Variants in LRRK1 observed in about 807,000 individuals in gnomAD.
LRRK1 encodes leucine rich repeat kinase 1.
A neutral mutation model predicts 209.1 loss-of-function variants in LRRK1; 113 were observed. The ratio of observed to expected loss-of-function variants is 0.54; its 90% CI spans 0.46 to 0.63. LRRK1 has a LOEUF of 0.63. LRRK1 is among the 30% of genes least tolerant of loss of function. The pLI is 0.00. For missense variants in LRRK1, 2,284 were observed against 2,632.2 expected, an observed-to-expected ratio of 0.87 and a Z score of 2.89; for synonymous variants, 1,144 against 1,099.7, an observed-to-expected ratio of 1.04 and a Z score of -0.80.
intron 2 of LRRK1, among the ~76,000 whole-genome samples, chr15:100,953,508 CTATATA>C (rs60971994): frequency 0.036 from 5,213 of 146,466 alleles, 157 homozygotes; most frequent in African/African-American, 0.089. Context: ...ATGTGTGTGT[CTATATA>C]TATATATATA....
chr15:101,046,229 C>A, intron 21 of LRRK1, 77 bp downstream of exon 21: 2 of 1,475,044 alleles, frequency 1.4e-6, no homozygotes, highest in Non-Finnish European at 1.9e-6. Context: ...AGGGGAATGC[C>A]CTTTGCTGGG....
Position 101,072,073 on chromosome 15 carries a change from G to A in LRRK1, c.*3225G>A, listed in dbSNP as rs1332969514. 2 of 152,218 alleles carry A rather than the reference G, an allele frequency of 1.3e-5. No homozygotes were observed. The highest frequency in any genetic ancestry group is 1.3e-4 in the Admixed American group (2 of 15,282). 9.4% of individuals were successfully genotyped at this position (152,218 alleles called of 1,614,324 possible). A position where few individuals can be genotyped will look rare whatever the true frequency, so the allele number is the denominator to read the frequency against. ...CGGAAGCTCCTGGCAGTTTTAAGCA[G>A]GATTATTAGATGATTCAGTCAACTT... is the stretch of plus-strand genomic sequence containing the variant. On this transcript the variant is annotated 3_prime_UTR_variant, in exon 34 of 34. Transcript: ENST00000388948.
At chr15:100,925,028 A>G (rs2042086118) in intron 2 of LRRK1, among the ~76,000 whole-genome samples, 2 of 152,316 alleles carry the variant, frequency 1.3e-5, no homozygotes, top group Admixed American at 1.3e-4. Flanking sequence ...AAAATAATAC[A>G]TGTTTATTAA....
At chr15:101,041,205 C>T (rs890895685) in intron 20 of LRRK1, among the ~76,000 whole-genome samples, 4 of 152,140 alleles carry the variant, frequency 2.6e-5, no homozygotes, top group African/African-American at 2.4e-5. Flanking sequence ...GTTAAAATAG[C>T]CACACCAGCT....
intron 13 of LRRK1, 72 bp from the exon 14 acceptor site, chr15:101,021,765 CACGTGTGT>C: frequency 1.0e-6 from 1 of 957,186 alleles, no homozygotes; most frequent in Non-Finnish European, 1.6e-6. Context: ...TGACAGGAGC[CACGTGTGT>C]GCGTGTGTGT....
At chr15:101,050,538 G>A (rs1273050523) in intron 23 of LRRK1, among the ~76,000 whole-genome samples, 2 of 152,116 alleles carry the variant, frequency 1.3e-5, no homozygotes, top group African/African-American at 4.8e-5. Flanking sequence ...GCCCCTGAAC[G>A]CTGGAGGCCA....
chr15:100,958,771 G>A (rs12909320), intron 2 of LRRK1, among the ~76,000 whole-genome samples: 26,087 of 152,072 alleles, frequency 0.17, 2,404 homozygotes, highest in African/African-American at 0.24. Context: ...GCCACCATCC[G>A]AAGTGGAGAG....
chr15:101,039,556 C>G (rs973070545), intron 20 of LRRK1, among the ~76,000 whole-genome samples: 2 of 152,052 alleles, frequency 1.3e-5, no homozygotes, highest in African/African-American at 4.8e-5. Context: ...TTTTTTCATT[C>G]TAATCTTCAC....
chr15:101,066,236 G>A lies in LRRK1; in HGVS notation c.5768+31G>A, dbSNP rs754342779. The stretch of plus-strand genomic sequence containing the variant: ...TTTCCCGAGGTGAGGGCACCATCCA[G>A]GGCACGCCCACTGCTCCTGCTCTGG... On this transcript the variant is annotated intron_variant, in intron 32 of 33. Transcript: ENST00000388948. 4.5e-6 allele frequency: 7 copies of A among 1,572,356 alleles called. No homozygotes were observed. The African/African-American group carries it at 9.4e-5, about 21-fold the overall frequency.
At chr15:100,927,793 A>G (rs952443047) in intron 2 of LRRK1, among the ~76,000 whole-genome samples, 3 of 152,230 alleles carry the variant, frequency 2.0e-5, no homozygotes, top group Admixed American at 6.5e-5. Context: ...TCAGAGTTTT[A>G]AGGTCCCACA....
At position 100,986,035 on chromosome 15, in the gene LRRK1, C is replaced by CA. The variant is rs36053618; in HGVS notation, c.433+2351dup. 5.3e-3 allele frequency among the ~76,000 whole-genome samples: 685 copies of CA among 128,262 alleles called. 3 individuals carry two copies. Among genetic ancestry groups the CA allele is most frequent in the African/African-American group, 9.3e-3 (336 of 36,214 alleles). 84.1% of individuals were successfully genotyped at this position (128,262 alleles called of 152,430 possible). A position where few individuals can be genotyped will look rare whatever the true frequency, so the allele number is the denominator to read the frequency against. The stretch of plus-strand genomic sequence containing the variant: ...GTAACATAGTGAGACCCTGTATCTA[C>CA]AAAAAAAAAAAAAAATTTAAATTAA... On this transcript the variant is annotated intron_variant, in intron 4 of 33. Transcript: ENST00000388948.
chr15:101,004,704 G>C (rs533471212), intron 6 of LRRK1, among the ~76,000 whole-genome samples: 1 of 152,308 alleles, frequency 6.6e-6, no homozygotes. Flanking sequence ...CAGAGTCCAC[G>C]TGGAGTTAGT....
intron 29 of LRRK1, 62 bp downstream of exon 29, chr15:101,058,203 T>C (rs2035926525): frequency 6.5e-7 from 1 of 1,545,532 alleles, no homozygotes; most frequent in Non-Finnish European, 8.9e-7. Flanking sequence ...CCGTGGAATC[T>C]GGGAACACAG....
chr15:101,055,114 C>T lies in LRRK1; in HGVS notation c.4223C>T (p.Ser1408Phe). The change falls in exon 27 of 34, where the codon TCT (serine) becomes TTT (phenylalanine). Residue 1408 changes from serine (S) to phenylalanine (F), a missense_variant. Physicochemically the swap from Ser to Phe is radical, Grantham distance 155. Coordinates refer to ENST00000388948, the MANE Select transcript of LRRK1 (RefSeq NM_024652.6). ...AAGGAGCACATCAACATCAAGCTAT[C>T]TGACTACGGGATTTCGAGGCAGTCA... is the stretch of plus-strand genomic sequence containing the variant. ...DVKEHINIKL[S>F]DYGISRQSFH... 1 of 1,614,062 alleles carries T rather than the reference C, an allele frequency of 6.2e-7. No homozygotes were observed. The highest frequency in any genetic ancestry group is 2.2e-5 in the East Asian group (1 of 44,866).
chr15:100,937,779 C>T (rs547917208), intron 2 of LRRK1, among the ~76,000 whole-genome samples: 24 of 152,190 alleles, frequency 1.6e-4, no homozygotes, highest in African/African-American at 5.5e-4. Context: ...TCGTGATCCG[C>T]CCGTCTCGGC....
chr15:100,964,795 C>T (rs547171932), intron 2 of LRRK1, among the ~76,000 whole-genome samples: 11 of 98,838 alleles, frequency 1.1e-4, no homozygotes, highest in South Asian at 3.8e-4. Flanking sequence ...CACACACACA[C>T]GTGCACACGC....
chr15:100,935,884 CCTT>C (rs1260561804), intron 2 of LRRK1, among the ~76,000 whole-genome samples: 1 of 152,194 alleles, frequency 6.6e-6, no homozygotes, highest in Non-Finnish European at 1.5e-5. Context: ...CTTCCACACA[CCTT>C]CTCATCCACC....
chr15:101,029,732 G>A (rs961320004), intron 20 of LRRK1, among the ~76,000 whole-genome samples: 1 of 152,106 alleles, frequency 6.6e-6, no homozygotes, highest in Non-Finnish European at 1.5e-5. Context: ...GCCGGGCATG[G>A]TGGTGCATGC....
intron 1 of LRRK1, among the ~76,000 whole-genome samples, chr15:100,921,482 A>G (rs920928496): frequency 1.3e-5 from 2 of 152,240 alleles, no homozygotes; most frequent in African/African-American, 4.8e-5. Flanking sequence ...TTTTGTTTCA[A>G]AAAGGAACTA....
Sources: allele counts gnomAD v4.1 joint callset (sites outside exome capture counted in the v4.1 genomes callset), GRCh38; gene constraint gnomAD v4.1.1; transcripts MANE v1.5; gene names NCBI Gene and HGNC (gene_info 2026-07-23, HGNC 2026-07-21).